Variants in ANK2 observed in about 807,000 individuals in gnomAD.
ANK2 encodes the protein ankyrin 2.
ANK2 carries 83 observed loss-of-function variants against 360.5 expected under a neutral mutation model. The ratio of observed to expected loss-of-function variants is 0.23; its 90% CI spans 0.19 to 0.28. The LOEUF is 0.28. Among genes scored for constraint, ANK2 ranks in the 10% least tolerant of loss-of-function variants. The pLI is 1.00. For synonymous variants in ANK2, 1,740 were observed against 1,759.5 expected, an observed-to-expected ratio of 0.99 and a Z score of 0.28; for missense variants, 4,201 against 4,795.7, an observed-to-expected ratio of 0.88 and a Z score of 3.66.
At chr4:113,369,416 A>G (rs957232049) in intron 42 of ANK2, 98 bp from the exon 43 acceptor site, 5 of 1,287,364 alleles carry the variant, frequency 3.9e-6, no homozygotes, top group South Asian at 3.6e-5. Context: ...GTCATAGACT[A>G]TGGAAAAACC....
the ANK2 span, among the ~76,000 whole-genome samples, chr4:112,807,294 T>G: frequency 3.3e-5 from 5 of 152,242 alleles, no homozygotes; most frequent in African/African-American, 1.2e-4. Context: ...TGAATTGAAC[T>G]GAATAAGATT....
chr4:112,985,006 G>A (rs1282354259), intron 2 of ANK2, among the ~76,000 whole-genome samples: 2 of 152,106 alleles, frequency 1.3e-5, no homozygotes, highest in Admixed American at 1.3e-4. Context: ...ATTGTATAGT[G>A]AATATTTATA....
In ANK2 at chr4:113,079,897, ATTT is replaced by A. The variant is rs138918846; in HGVS notation, c.84+30102_84+30104del. ...AAGTGAACCTGTTATCACCCTGAGA[ATTT>A]TTTTTTTTTTTTTTTTGAGATGGAG... On this transcript the variant is annotated intron_variant, in intron 1 of 45. Transcript: ENST00000357077. Among the ~76,000 whole-genome samples, 263 of 144,398 alleles carry A rather than the reference ATTT, an allele frequency of 1.8e-3. 5 individuals carry two copies. The highest frequency in any genetic ancestry group is 3.3e-3 in the African/African-American group (128 of 38,782). 94.7% of individuals were successfully genotyped at this position (144,398 alleles called of 152,430 possible).
At chr4:112,987,166 C>CAA (rs2045192365) in intron 2 of ANK2, among the ~76,000 whole-genome samples, 1 of 152,162 alleles carries the variant, frequency 6.6e-6, no homozygotes, top group East Asian at 1.9e-4. Flanking sequence ...TTGCATGGGT[C>CAA]TATATTCTCA....
At chr4:113,164,654 A>T (rs529136067) in intron 1 of ANK2, among the ~76,000 whole-genome samples, 3 of 152,222 alleles carry the variant, frequency 2.0e-5, no homozygotes, top group Non-Finnish European at 2.9e-5. Context: ...AATTAACACT[A>T]TAAGATGCGG....
At chr4:112,712,406 ATT>A in the ANK2 span, among the ~76,000 whole-genome samples, 7,625 of 86,164 alleles carry the variant, frequency 0.088, 383 homozygotes, top group African/African-American at 0.19. Context: ...ATATATATAT[ATT>A]TTTTTTTTTT....
chr4:112,887,511 T>C (rs2078746544), intron 1 of ANK2, among the ~76,000 whole-genome samples: 1 of 152,214 alleles, frequency 6.6e-6, no homozygotes, highest in Admixed American at 6.5e-5. Context: ...GGAGCATCTG[T>C]AGTAAGCACT....
At chr4:112,813,701 A>G (rs1003906519), upstream of ANK2, among the ~76,000 whole-genome samples, 13 of 151,960 alleles carry the variant, frequency 8.6e-5, no homozygotes, top group African/African-American at 3.1e-4. Flanking sequence ...ATGCCCAGCT[A>G]ATTTTTCTAT....
At chr4:113,050,319 C>G (rs1404739159) in intron 1 of ANK2, among the ~76,000 whole-genome samples, 1 of 152,086 alleles carries the variant, frequency 6.6e-6, no homozygotes, top group Non-Finnish European at 1.5e-5. Flanking sequence ...AATATCATCC[C>G]CAGCATGATA....
intron 24 of ANK2, among the ~76,000 whole-genome samples, chr4:113,314,646 A>G (rs1274908979): frequency 3.3e-5 from 5 of 152,196 alleles, no homozygotes; most frequent in Non-Finnish European, 7.4e-5. Context: ...TTTCTGATCC[A>G]AGGGCTTAAA....
chr4:113,096,403 T>C (rs2091038924), intron 1 of ANK2, among the ~76,000 whole-genome samples: 1 of 152,170 alleles, frequency 6.6e-6, no homozygotes, highest in Non-Finnish European at 1.5e-5. Flanking sequence ...GGTAAGGCGC[T>C]CCATGGGCTC....
At chr4:112,725,942 T>A in the ANK2 span, among the ~76,000 whole-genome samples, 29 of 152,284 alleles carry the variant, frequency 1.9e-4, no homozygotes, top group African/African-American at 7.0e-4. Flanking sequence ...AAATTTAAAA[T>A]ATCAGGTAGT....
intron 2 of ANK2, among the ~76,000 whole-genome samples, chr4:112,912,107 G>T (rs997370989): frequency 6.6e-6 from 1 of 151,882 alleles, no homozygotes; most frequent in Non-Finnish European, 1.5e-5. Context: ...GACCCCGGAG[G>T]TGGAGTTTGC....
At chr4:113,100,284 A>G (rs762350237) in intron 1 of ANK2, among the ~76,000 whole-genome samples, 1 of 152,104 alleles carries the variant, frequency 6.6e-6, no homozygotes, top group Non-Finnish European at 1.5e-5. Flanking sequence ...CAACAAGAAA[A>G]CAAGCAATCC....
At chr4:112,986,306 A>C (rs2044850644) in intron 2 of ANK2, among the ~76,000 whole-genome samples, 1 of 152,208 alleles carries the variant, frequency 6.6e-6, no homozygotes, top group South Asian at 2.1e-4. Context: ...ACATATTAGA[A>C]AGTTCATCTA....
intron 2 of ANK2, among the ~76,000 whole-genome samples, chr4:112,959,912 C>T (rs1348291262): frequency 6.6e-6 from 1 of 152,098 alleles, no homozygotes; most frequent in Non-Finnish European, 1.5e-5. Context: ...AATGACAAAA[C>T]GCTCCTGCAA....
chr4:113,064,034 T>C (rs1315589599), intron 1 of ANK2, among the ~76,000 whole-genome samples: 1 of 152,168 alleles, frequency 6.6e-6, no homozygotes, highest in Non-Finnish European at 1.5e-5. Context: ...ATTTTTTTGT[T>C]GTTGTTGTGT....
At chr4:112,727,070 G>A in the ANK2 span, among the ~76,000 whole-genome samples, 4 of 151,940 alleles carry the variant, frequency 2.6e-5, no homozygotes, top group African/African-American at 7.2e-5. Flanking sequence ...GTAGTATGCA[G>A]AATAGTTATG....
intron 26 of ANK2, among the ~76,000 whole-genome samples, chr4:113,319,794 A>G (rs930864814): frequency 1.3e-5 from 2 of 152,196 alleles, no homozygotes; most frequent in Non-Finnish European, 2.9e-5. Context: ...TTTTAAAAAA[A>G]GAAAGCTATA....
Sources: gnomAD v4.1 joint callset for allele counts (sites outside exome capture counted in the v4.1 genomes callset) on GRCh38, gnomAD v4.1.1 for gene constraint, MANE v1.5 for transcripts, NCBI Gene and HGNC (gene_info 2026-07-23, HGNC 2026-07-21) for gene names.